Variants in ANK2 observed in about 807,000 individuals in gnomAD.
ANK2 encodes the protein ankyrin-2.
In ANK2, 83 loss-of-function variants were observed where a neutral mutation model predicts 360.5. The ratio of observed to expected loss-of-function variants is 0.23; its 90% CI spans 0.19 to 0.28. The LOEUF (loss-of-function observed/expected upper bound fraction) is 0.28, where lower values mean the gene tolerates loss of function less well. Among genes scored for constraint, ANK2 ranks in the 10% least tolerant of loss-of-function variants. ANK2 has a pLI of 1.00. For synonymous variants in ANK2, 1,740 were observed against 1,759.5 expected (o/e 0.99, Z 0.28); for missense variants, 4,201 against 4,795.7 (o/e 0.88, Z 3.66).
At chr4:113,177,971 A>G (rs1035155029) in intron 2 of ANK2, among the ~76,000 whole-genome samples, 2 of 152,272 alleles carry the variant, frequency 1.3e-5, no homozygotes, top group Non-Finnish European at 2.9e-5. Context: ...TTTCTAAGGT[A>G]CATGTGTTCT....
chr4:112,929,070 C>G (rs1289453026), intron 2 of ANK2, among the ~76,000 whole-genome samples: 1 of 152,138 alleles, frequency 6.6e-6, no homozygotes, highest in Non-Finnish European at 1.5e-5. Flanking sequence ...CCGGGCTGGT[C>G]TCGAACTCCC....
chr4:113,194,612 T>A (rs542298988), intron 2 of ANK2, among the ~76,000 whole-genome samples: 2 of 152,260 alleles, frequency 1.3e-5, no homozygotes, highest in East Asian at 3.9e-4. Context: ...AGCATTACCA[T>A]CTTTTTTTAA....
chr4:113,259,477 C>A lies in ANK2; in HGVS notation c.1386+1066C>A, dbSNP rs148364694. Among the ~76,000 whole-genome samples the A allele has an allele frequency of 9.5e-3, 1,440 of 152,102 alleles. 31 individuals are homozygous for A. The highest frequency in any genetic ancestry group is 0.033 in the African/African-American group (1,365 of 41,478). ...TTCTTTTTTTCTGTATTTCACACAC[C>A]ATTTCCACAGTGAAGTTTCTGATGG... On this transcript the variant is annotated intron_variant, in intron 13 of 45. Coordinates refer to ENST00000357077, the MANE Select transcript of ANK2 (RefSeq NM_001148.6).
At chr4:113,302,916 C>A in intron 23 of ANK2, 77 bp downstream of exon 23, 1 of 1,234,640 alleles carries the variant, frequency 8.1e-7, no homozygotes, top group Non-Finnish European at 1.2e-6. Context: ...TTTCAGAGAC[C>A]AAGCTGGTTA....
intron 1 of ANK2, among the ~76,000 whole-genome samples, chr4:113,131,207 A>C (rs1562282974): frequency 6.6e-6 from 1 of 152,212 alleles, no homozygotes; most frequent in Admixed American, 6.5e-5. Flanking sequence ...CTACTACTTC[A>C]GGCTGGCAAT....
intron 1 of ANK2, among the ~76,000 whole-genome samples, chr4:113,153,264 A>C (rs1054393036): frequency 6.6e-6 from 1 of 152,190 alleles, no homozygotes; most frequent in African/African-American, 2.4e-5. Context: ...GTCACAAATA[A>C]TATATTAGAA....
chr4:112,855,197 TGGTG>T (rs779908487), intron 1 of ANK2, among the ~76,000 whole-genome samples: 11 of 152,198 alleles, frequency 7.2e-5, no homozygotes, highest in Non-Finnish European at 1.5e-4. Context: ...TTATGATTCC[TGGTG>T]GGTGGCACTG....
chr4:113,116,415 T>C (rs2094783851), intron 1 of ANK2, among the ~76,000 whole-genome samples: 1 of 152,120 alleles, frequency 6.6e-6, no homozygotes, highest in South Asian at 2.1e-4. Context: ...TGACAGCTCT[T>C]TTCTATGCTT....
intron 20 of ANK2, among the ~76,000 whole-genome samples, chr4:113,291,821 T>C (rs1013926155): frequency 1.3e-5 from 2 of 152,218 alleles, no homozygotes; most frequent in African/African-American, 2.4e-5. Context: ...GAGAAATTAC[T>C]TAACTTTCTT....
chr4:113,268,094 G>C (rs1246887340), intron 14 of ANK2, among the ~76,000 whole-genome samples: 1 of 152,062 alleles, frequency 6.6e-6, no homozygotes, highest in Non-Finnish European at 1.5e-5. Flanking sequence ...TTTTGCACCT[G>C]GATGTTGTAT....
At chr4:112,725,603 T>G in the ANK2 span, among the ~76,000 whole-genome samples, 2 of 151,834 alleles carry the variant, frequency 1.3e-5, no homozygotes, top group African/African-American at 4.8e-5. Context: ...CAAGTGATCC[T>G]CCCGCCTCAG....
At chr4:113,157,296 C>T (rs2097338061) in intron 1 of ANK2, among the ~76,000 whole-genome samples, 1 of 152,132 alleles carries the variant, frequency 6.6e-6, no homozygotes, top group African/African-American at 2.4e-5. Context: ...GTTTAAATCC[C>T]ACTCAGGGAG....
At chr4:113,188,142 A>G (rs935367040) in intron 2 of ANK2, among the ~76,000 whole-genome samples, 4 of 152,198 alleles carry the variant, frequency 2.6e-5, no homozygotes, top group African/African-American at 9.6e-5. Context: ...ATATTTACAT[A>G]GAATTTGGTT....
intron 4 of ANK2, among the ~76,000 whole-genome samples, chr4:113,203,028 G>A (rs574591220): frequency 6.6e-6 from 1 of 152,278 alleles, no homozygotes; most frequent in African/African-American, 2.4e-5. Flanking sequence ...CAGTGACATG[G>A]AGGTCTCATC....
chr4:113,367,951 A>G, intron 42 of ANK2, 100 bp downstream of exon 42: 6 of 1,409,584 alleles, frequency 4.3e-6, no homozygotes, highest in Non-Finnish European at 5.9e-6. Context: ...AATACTTTTT[A>G]AAATGACCCT....
intron 2 of ANK2, among the ~76,000 whole-genome samples, chr4:112,965,722 G>C (rs755859564): frequency 3.9e-5 from 6 of 152,084 alleles, no homozygotes; most frequent in Non-Finnish European, 8.8e-5. Context: ...TTATTAAAGA[G>C]ACTGTCATTT....
rs78734565 is a variant in ANK2 at position 112,887,957 on chromosome 4, T to C, written c.-39-16498T>C. On this transcript the variant is annotated intron_variant, in intron 1 of 30. Transcript: ENST00000503271. Reference sequence around the variant, plus strand: ...AAGTTTTGATAAATATTTTACCATTTCATGATAATTTATTTTAAGCCATTT... The same window carrying C: ...AAGTTTTGATAAATATTTTACCATTCCATGATAATTTATTTTAAGCCATTT... Among the ~76,000 whole-genome samples the C allele has an allele frequency of 7.9e-3, 1,208 of 152,254 alleles. 11 individuals carry two copies. Among genetic ancestry groups the C allele is most frequent in the African/African-American group, 0.027 (1,123 of 41,572 alleles).
At chr4:113,076,774 CA>C (rs2080192036) in intron 1 of ANK2, among the ~76,000 whole-genome samples, 1 of 140,992 alleles carries the variant, frequency 7.1e-6, no homozygotes, top group Non-Finnish European at 1.5e-5. Flanking sequence ...CCAGCCAGGG[CA>C]ACAGAGTAAG....
chr4:112,787,332 C>T, the ANK2 span, among the ~76,000 whole-genome samples: 1 of 152,170 alleles, frequency 6.6e-6, no homozygotes, highest in African/African-American at 2.4e-5. Flanking sequence ...CCTCGATAAA[C>T]CCTCTATTCA....
Sources: allele counts gnomAD v4.1 joint callset (sites outside exome capture counted in the v4.1 genomes callset), GRCh38; gene constraint gnomAD v4.1.1; transcripts MANE v1.5; gene names NCBI Gene and HGNC (gene_info 2026-07-23, HGNC 2026-07-21).